The following ANXA8 variants were observed in gnomAD, a reference collection of about 807,000 sequenced individuals.
ANXA8 encodes annexin A8.
ANXA8 carries 9 observed loss-of-function variants against 26.8 expected under a neutral mutation model. That is an observed-to-expected ratio of 0.34 (90% CI 0.20 to 0.59). The LOEUF (loss-of-function observed/expected upper bound fraction) is 0.59, where lower values mean the gene tolerates loss of function less well. Ranked by LOEUF, ANXA8 falls within the 20% of genes least tolerant of loss-of-function variation. The probability of loss-of-function intolerance (pLI) is 0.84; values close to 1 mark genes in which losing one functional copy is unlikely to be tolerated. For missense variants in ANXA8, 83 were observed against 238.5 expected (o/e 0.35, Z 4.29); for synonymous variants, 39 against 94.8 (o/e 0.41, Z 3.42).
chr10:47,565,169 G>T, the ANXA8 span: 1 of 720,630 alleles, frequency 1.4e-6, no homozygotes, highest in Non-Finnish European at 2.5e-6. Context: ...GAAGCTGCTG[G>T]CCGCCGTGCA....
chr10:47,585,263 C>CAAAAA, the ANXA8 span, among the ~76,000 whole-genome samples: 4 of 43,594 alleles, frequency 9.2e-5, no homozygotes, highest in Admixed American at 4.0e-4. Context: ...GACTCCATCT[C>CAAAAA]AAAAAAAAAA....
At chr10:47,655,324 A>C in the ANXA8 span, among the ~76,000 whole-genome samples, 3 of 147,052 alleles carry the variant, frequency 2.0e-5, no homozygotes, top group Admixed American at 2.1e-4. Flanking sequence ...GGAATCATGG[A>C]TTTTTCACGG....
the ANXA8 span, among the ~76,000 whole-genome samples, chr10:47,733,219 T>TCTCTCTCTCTCTC: frequency 1.5e-5 from 1 of 68,102 alleles, no homozygotes; most frequent in African/African-American, 5.6e-5. Context: ...CTTTCTTTCT[T>TCTCTCTCTCTCTC]TCTCTTTCTT....
At chr10:47,498,459 C>T in the ANXA8 span, among the ~76,000 whole-genome samples, 6 of 142,532 alleles carry the variant, frequency 4.2e-5, no homozygotes, top group South Asian at 1.1e-3. Context: ...CTATAAATAT[C>T]AGTGTACACA....
At chr10:47,670,425 A>G in the ANXA8 span, among the ~76,000 whole-genome samples, 1 of 152,200 alleles carries the variant, frequency 6.6e-6, no homozygotes, top group Non-Finnish European at 1.5e-5. Flanking sequence ...CTTTAACTTA[A>G]TGAGGAACTG....
At chr10:47,667,457 C>T in the ANXA8 span, among the ~76,000 whole-genome samples, 1 of 151,674 alleles carries the variant, frequency 6.6e-6, no homozygotes, top group Non-Finnish European at 1.5e-5. Context: ...TATGGTTGTA[C>T]TGTATTTTAA....
At chr10:47,660,808 CAAAAAAA>C in the ANXA8 span, among the ~76,000 whole-genome samples, 2 of 61,018 alleles carry the variant, frequency 3.3e-5, no homozygotes, top group Non-Finnish European at 7.3e-5. Context: ...CACTGACTGT[CAAAAAAA>C]AAAAAAAAAA....
At chr10:47,512,780 AT>A in the ANXA8 span, among the ~76,000 whole-genome samples, 2 of 46,828 alleles carry the variant, frequency 4.3e-5, no homozygotes, top group African/African-American at 2.2e-4. Context: ...CCCTTTCAGT[AT>A]TATGTTGGTT....
chr10:47,950,650 A>AT, the ANXA8 span, among the ~76,000 whole-genome samples: 1 of 150,648 alleles, frequency 6.6e-6, no homozygotes, highest in East Asian at 2.0e-4. Context: ...ATTCAGTGGA[A>AT]CTAAAATAGA....
chr10:47,937,799 T>TA, the ANXA8 span, among the ~76,000 whole-genome samples: 5 of 134,868 alleles, frequency 3.7e-5, 1 homozygote, highest in African/African-American at 1.5e-4. Flanking sequence ...TATGCAGCCA[T>TA]AAAAAAGAAC....
the ANXA8 span, among the ~76,000 whole-genome samples, chr10:47,988,825 T>C: frequency 6.6e-6 from 1 of 151,798 alleles, no homozygotes; most frequent in African/African-American, 2.4e-5. Flanking sequence ...CCAAAGTCCA[T>C]ACTCTTGTTT....
At chr10:47,907,078 C>A in the ANXA8 span, among the ~76,000 whole-genome samples, 25 of 151,698 alleles carry the variant, frequency 1.6e-4, no homozygotes, top group African/African-American at 6.0e-4. Flanking sequence ...GGATCCAGGC[C>A]GGGCGCGGTG....
At chr10:47,488,863 G>T (rs1840094422), upstream of ANXA8, among the ~76,000 whole-genome samples, 1 of 146,250 alleles carries the variant, frequency 6.8e-6, no homozygotes. Flanking sequence ...GAGTAGCTAG[G>T]ACTACAGGTG....
chr10:47,469,543 A>G (rs1224752496), intron 11 of ANXA8, among the ~76,000 whole-genome samples: 1 of 151,650 alleles, frequency 6.6e-6, no homozygotes, highest in African/African-American at 2.4e-5. Context: ...GATGAGACTG[A>G]CCTTGTGGTC....
chr10:47,699,111 C>T, the ANXA8 span, among the ~76,000 whole-genome samples: 1 of 151,556 alleles, frequency 6.6e-6, no homozygotes, highest in Non-Finnish European at 1.5e-5. Context: ...CTTTGAGAGG[C>T]CAAGGTGGGC....
chr10:47,522,782 TG>T, the ANXA8 span: 1 of 235,722 alleles, frequency 4.2e-6, no homozygotes, highest in East Asian at 1.4e-4. Flanking sequence ...GAGTTTTTAT[TG>T]AGAAAAGGAA....
upstream of ANXA8, chr10:47,484,546 A>C (rs1385636064): frequency 3.3e-5 from 48 of 1,461,048 alleles, no homozygotes; most frequent in Non-Finnish European, 4.3e-5. Context: ...AGCATGCCAT[A>C]CTGGTCCACT....
chr10:47,476,460 G>A lies in ANXA8; in HGVS notation c.322-138C>T, dbSNP rs1445517545. ...CACTTGAAGTGGGAGGATGTGATGA[G>A]AAAATCACATGCTTCAGTGATGAAC... On this transcript the variant is annotated intron_variant, in intron 4 of 11. Transcript: ENST00000585281. The A allele has an allele frequency of 8.8e-5, 109 of 1,234,740 alleles. 16 individuals carry two copies. The highest frequency in any genetic ancestry group is 5.4e-5 in the Non-Finnish European group (49 of 905,366). 76.5% of individuals were successfully genotyped at this position (1,234,740 alleles called of 1,614,324 possible).
At chr10:47,622,066 C>CA in the ANXA8 span, among the ~76,000 whole-genome samples, 23 of 110,780 alleles carry the variant, frequency 2.1e-4, 6 homozygotes, top group Non-Finnish European at 3.3e-4. Context: ...GCTGCAAAAA[C>CA]AAAAAAAATG....
Sources: gnomAD v4.1 joint callset for allele counts (sites outside exome capture counted in the v4.1 genomes callset) on GRCh38, gnomAD v4.1.1 for gene constraint, MANE v1.5 for transcripts, NCBI Gene and HGNC (gene_info 2026-07-23, HGNC 2026-07-21) for gene names.